DTL: variants seen among roughly 807,000 people sequenced by gnomAD.
The protein encoded by DTL is denticleless protein homolog.
In DTL, 46 loss-of-function variants were observed where a neutral mutation model predicts 87.0. The observed-to-expected ratio is 0.53, with a 90% CI of 0.42 to 0.68. The LOEUF (loss-of-function observed/expected upper bound fraction) is 0.68, where lower values mean the gene tolerates loss of function less well. Ranked by LOEUF, DTL falls within the 30% of genes least tolerant of loss-of-function variation. DTL has a pLI of 0.00. For synonymous variants in DTL, 308 were observed against 311.2 expected, an observed-to-expected ratio of 0.99 and a Z score of 0.11; for missense variants, 737 against 869.4, an observed-to-expected ratio of 0.85 and a Z score of 1.91.
chr1:212,073,346 GA>G (rs1654732392), intron 11 of DTL, among the ~76,000 whole-genome samples: 1 of 152,188 alleles, frequency 6.6e-6, no homozygotes, highest in Non-Finnish European at 1.5e-5. Context: ...TGACATTGGT[GA>G]ATTGAATGAT....
Position 212,103,788 on chromosome 1 carries a change from G to T in DTL, c.*848G>T, listed in dbSNP as rs1364538542. ...AATTTGGGGTTTGAATTCAGGTGCA[G>T]TCATCAGTTCTTTAGGGGCTGCAAT... is the stretch of plus-strand genomic sequence containing the variant. On this transcript the variant is annotated 3_prime_UTR_variant, in exon 15 of 15. Coordinates refer to ENST00000366991, the MANE Select transcript of DTL (RefSeq NM_016448.4). The T allele has an allele frequency of 6.6e-6, 1 of 152,120 alleles. No individual in the cohort carries two copies. The highest frequency in any genetic ancestry group is 2.4e-5 in the African/African-American group (1 of 41,420). The allele number at this position is 152,120 out of a possible 1,614,324, so 9.4% of individuals were successfully genotyped here.
chr1:212,080,024 A>G (rs1353765090), intron 12 of DTL, among the ~76,000 whole-genome samples: 2 of 152,222 alleles, frequency 1.3e-5, no homozygotes, highest in African/African-American at 4.8e-5. Context: ...ATATTTTTAA[A>G]GGGACAAAGG....
At chr1:212,054,480 C>T (rs182956887) in intron 5 of DTL, among the ~76,000 whole-genome samples, 163 of 151,490 alleles carry the variant, frequency 1.1e-3, no homozygotes, top group African/African-American at 3.7e-3. Flanking sequence ...TGTTGACTCT[C>T]CTCCAAAAAT....
At chr1:212,059,302 T>TA (rs558660938) in intron 5 of DTL, among the ~76,000 whole-genome samples, 197 of 142,492 alleles carry the variant, frequency 1.4e-3, no homozygotes, top group South Asian at 2.2e-3. Context: ...AACAGCACAT[T>TA]AAAAAAAAAA....
At chr1:212,065,089 G>A in intron 7 of DTL, 60 bp downstream of exon 7, 1 of 1,212,558 alleles carries the variant, frequency 8.2e-7, no homozygotes, top group Non-Finnish European at 1.2e-6. Context: ...GAATAAATGG[G>A]AGGCTATTGA....
intron 1 of DTL, among the ~76,000 whole-genome samples, chr1:212,037,247 C>T (rs1667503725): frequency 6.6e-6 from 1 of 152,160 alleles, no homozygotes; most frequent in Non-Finnish European, 1.5e-5. Context: ...TTACCTTTCC[C>T]TTCCCTCTTT....
At chr1:212,049,892 T>A (rs76368196) in intron 5 of DTL, among the ~76,000 whole-genome samples, 1 of 150,804 alleles carries the variant, frequency 6.6e-6, no homozygotes, top group African/African-American at 2.5e-5. Flanking sequence ...TTTTTTTTTT[T>A]AATCTGAGCT....
chr1:212,049,910 G>T lies in DTL; in HGVS notation c.460+2493G>T, dbSNP rs868798221. ...TTTTTTTTAATCTGAGCTCATTATGGTGGCTCATCCCTATAATCCCAGCAA... is the reference window on the plus strand; with the variant it reads ...TTTTTTTTAATCTGAGCTCATTATGTTGGCTCATCCCTATAATCCCAGCAA... On this transcript the variant is annotated intron_variant, in intron 5 of 14. Coordinates refer to ENST00000366991, the MANE Select transcript of DTL (RefSeq NM_016448.4). Among the ~76,000 whole-genome samples, 18 of 151,892 alleles carry T rather than the reference G, an allele frequency of 1.2e-4. No homozygotes were observed. The Middle Eastern group carries it at 0.01, about 86-fold the overall frequency.
At chr1:212,089,429 T>A (rs1249409722) in intron 13 of DTL, among the ~76,000 whole-genome samples, 1 of 152,210 alleles carries the variant, frequency 6.6e-6, no homozygotes, top group Non-Finnish European at 1.5e-5. Context: ...ATTTGTATTT[T>A]GGGGTTTTTT....
intron 5 of DTL, among the ~76,000 whole-genome samples, chr1:212,061,509 A>AC (rs1161855267): frequency 6.6e-6 from 1 of 151,726 alleles, no homozygotes; most frequent in Non-Finnish European, 1.5e-5. Flanking sequence ...AAAAAAAAAA[A>AC]AACAAATAGA....
chr1:212,076,247 G>T (rs1352465896), intron 11 of DTL, among the ~76,000 whole-genome samples: 1 of 152,142 alleles, frequency 6.6e-6, no homozygotes, highest in Non-Finnish European at 1.5e-5. Context: ...CCTAAGAATA[G>T]AATTGCTGGG....
intron 6 of DTL, among the ~76,000 whole-genome samples, chr1:212,063,882 T>C (rs1654411072): frequency 6.8e-6 from 1 of 147,068 alleles, no homozygotes; most frequent in East Asian, 2.1e-4. Context: ...TCTCTTCTGG[T>C]TTTTTGTTTC....
chr1:212,044,988 A>G (rs2102528339), intron 3 of DTL, among the ~76,000 whole-genome samples: 1 of 152,326 alleles, frequency 6.6e-6, no homozygotes. Flanking sequence ...GCAGAAGGCA[A>G]AGAGGAGCCC....
intron 1 of DTL, among the ~76,000 whole-genome samples, chr1:212,042,656 G>C (rs913628522): frequency 8.5e-5 from 13 of 152,200 alleles, no homozygotes; most frequent in Non-Finnish European, 5.9e-5. Context: ...TTAATGGAAT[G>C]CTTTTGTGGT....
rs985773015 is a variant in DTL, at chr1:212,090,808, G to C, written c.1262-9444G>C. Among the ~76,000 whole-genome samples the C allele has an allele frequency of 7.9e-5, 12 of 152,332 alleles. No individual in the cohort carries two copies. In the South Asian group the frequency reaches 2.1e-3, roughly 26 times the overall value. On this transcript the variant is annotated intron_variant, in intron 13 of 14. Transcript: ENST00000366991. ...TGATAACCTTAACAAATAATTGATT[G>C]AATGGCTTCTTGTGAAAAGAAAAAC... is the stretch of plus-strand genomic sequence containing the variant.
intron 11 of DTL, among the ~76,000 whole-genome samples, chr1:212,072,760 C>CTTTTTTTTTTTTTTTTTTT: frequency 8.0e-6 from 1 of 124,770 alleles, no homozygotes; most frequent in Non-Finnish European, 1.7e-5. Flanking sequence ...ATTTACTAAT[C>CTTTTTTTTTTTTTTTTTTT]TTTTTTTTTT....
intron 12 of DTL, among the ~76,000 whole-genome samples, chr1:212,079,739 A>G (rs1205285151): frequency 2.6e-5 from 4 of 152,202 alleles, no homozygotes; most frequent in Non-Finnish European, 5.9e-5. Flanking sequence ...CTATAGAAGA[A>G]CTGTGAGATT....
At chr1:212,090,353 A>G (rs1198569370) in intron 13 of DTL, among the ~76,000 whole-genome samples, 2 of 152,212 alleles carry the variant, frequency 1.3e-5, no homozygotes, top group East Asian at 1.9e-4. Context: ...GCCAATCTTT[A>G]TTTATGCTAA....
At chr1:212,088,940 G>A (rs1257830954) in intron 13 of DTL, among the ~76,000 whole-genome samples, 10 of 152,188 alleles carry the variant, frequency 6.6e-5, no homozygotes, top group Admixed American at 6.5e-4. Flanking sequence ...TACAAAATTA[G>A]CTAGGCATGG....
Sources: gnomAD v4.1 joint callset for allele counts (sites outside exome capture counted in the v4.1 genomes callset) on GRCh38, gnomAD v4.1.1 for gene constraint, MANE v1.5 for transcripts, NCBI Gene and HGNC (gene_info 2026-07-23, HGNC 2026-07-21) for gene names.